The following PTPRT variants were observed in gnomAD, a reference collection of about 807,000 sequenced individuals.
The protein encoded by PTPRT is protein tyrosine phosphatase receptor type T.
A neutral mutation model predicts 176.8 loss-of-function variants in PTPRT; 56 were observed. That is an observed-to-expected ratio of 0.32 (90% CI 0.26 to 0.40). The LOEUF (loss-of-function observed/expected upper bound fraction) is 0.40. Among genes scored for constraint, PTPRT ranks in the 10% least tolerant of loss-of-function variants. PTPRT has a pLI of 1.00. For synonymous variants in PTPRT, 783 were observed against 739.0 expected, an observed-to-expected ratio of 1.06 and a Z score of -0.96; for missense variants, 1,540 against 1,908.2, an observed-to-expected ratio of 0.81 and a Z score of 3.60.
rs1268175832 is a variant in PTPRT at position 42,174,097 on chromosome 20, G to A, written c.2492-12555C>T. On this transcript the variant is annotated intron_variant, in intron 16 of 30. Coordinates refer to ENST00000373187, the MANE Select transcript of PTPRT (RefSeq NM_007050.6). ...ATTAAAGTAGATGAAACTGTAAGGTGGCTTAGTGTTAGAAAGATTAATATT... is the reference window on the plus strand; with the variant it reads ...ATTAAAGTAGATGAAACTGTAAGGTAGCTTAGTGTTAGAAAGATTAATATT... Among the ~76,000 whole-genome samples, 4 of 152,234 alleles carry A rather than the reference G, an allele frequency of 2.6e-5. No individual in the cohort carries two copies. The East Asian group carries it at 7.7e-4, about 29-fold the overall frequency.
intron 1 of PTPRT, among the ~76,000 whole-genome samples, chr20:42,936,065 A>T (rs1040326942): frequency 1.3e-5 from 2 of 152,254 alleles, no homozygotes; most frequent in Non-Finnish European, 2.9e-5. Flanking sequence ...GAACAAAGGC[A>T]GAAGTGAACA....
intron 7 of PTPRT, among the ~76,000 whole-genome samples, chr20:42,578,620 A>T (rs1282019491): frequency 2.6e-5 from 4 of 152,054 alleles, no homozygotes; most frequent in Non-Finnish European, 5.9e-5. Flanking sequence ...TCTCACTTCC[A>T]CTACCAATCC....
chr20:42,553,210 T>C (rs555391089), intron 7 of PTPRT, among the ~76,000 whole-genome samples: 1 of 152,260 alleles, frequency 6.6e-6, no homozygotes, highest in East Asian at 1.9e-4. Context: ...AAACAAAATC[T>C]CTTCCCAAAA....
chr20:42,885,523 T>C (rs984654590), intron 2 of PTPRT, among the ~76,000 whole-genome samples: 13 of 152,018 alleles, frequency 8.6e-5, no homozygotes, highest in Admixed American at 3.9e-4. Context: ...CACGCCACTG[T>C]CATCAGGCTC....
chr20:42,831,985 TA>T (rs2078097414), intron 2 of PTPRT, among the ~76,000 whole-genome samples: 1 of 152,186 alleles, frequency 6.6e-6, no homozygotes. Context: ...CTCAAAGAGC[TA>T]AAAAGAGAAC....
intron 11 of PTPRT, among the ~76,000 whole-genome samples, chr20:42,331,987 A>G (rs997592361): frequency 2.0e-5 from 3 of 151,956 alleles, no homozygotes; most frequent in East Asian, 1.9e-4. Flanking sequence ...GTGGTACCCA[A>G]CTGTACTTGT....
chr20:43,084,966 T>C (rs993810983), intron 1 of PTPRT, among the ~76,000 whole-genome samples: 2 of 152,240 alleles, frequency 1.3e-5, no homozygotes, highest in African/African-American at 4.8e-5. Flanking sequence ...CATGAGGTGT[T>C]TTACAGCTAG....
chr20:42,411,846 A>C (rs978533948), intron 9 of PTPRT, among the ~76,000 whole-genome samples: 1 of 49,250 alleles, frequency 2.0e-5, no homozygotes, highest in African/African-American at 6.2e-5. Context: ...CCAAATATCT[A>C]CAAAAAAAAA....
At chr20:42,302,338 C>T (rs1338433936) in intron 12 of PTPRT, among the ~76,000 whole-genome samples, 1 of 152,192 alleles carries the variant, frequency 6.6e-6, no homozygotes, top group Non-Finnish European at 1.5e-5. Context: ...CTGCCTCTCT[C>T]TGGGCTTCAT....
chr20:42,377,623 C>A (rs967032439), intron 9 of PTPRT, among the ~76,000 whole-genome samples: 2 of 152,196 alleles, frequency 1.3e-5, no homozygotes, highest in African/African-American at 2.4e-5. Flanking sequence ...CTCTTTGTCT[C>A]AATTTCAAAG....
chr20:42,565,002 G>T (rs531788011), intron 7 of PTPRT, among the ~76,000 whole-genome samples: 77 of 152,094 alleles, frequency 5.1e-4, no homozygotes, highest in Non-Finnish European at 1.0e-3. Context: ...TTTCCATTCT[G>T]ATGGCTTTGC....
chr20:42,561,839 G>C (rs1601273055), intron 7 of PTPRT, among the ~76,000 whole-genome samples: 1 of 152,218 alleles, frequency 6.6e-6, no homozygotes, highest in African/African-American at 2.4e-5. Flanking sequence ...ATTTGTGCTA[G>C]ATTTCTGTTG....
At chr20:43,165,360 A>G (rs949039263) in intron 1 of PTPRT, among the ~76,000 whole-genome samples, 26 of 152,034 alleles carry the variant, frequency 1.7e-4, no homozygotes, top group African/African-American at 6.3e-4. Flanking sequence ...ATGGGGTTTC[A>G]CCATGTTGGT....
intron 6 of PTPRT, among the ~76,000 whole-genome samples, chr20:42,728,026 A>T (rs745868063): frequency 6.6e-6 from 1 of 152,122 alleles, no homozygotes; most frequent in Non-Finnish European, 1.5e-5. Flanking sequence ...ACCCACAATT[A>T]TCTCTCTAGA....
chr20:43,057,222 A>G (rs1196276277), intron 1 of PTPRT, among the ~76,000 whole-genome samples: 1 of 136,738 alleles, frequency 7.3e-6, no homozygotes, highest in African/African-American at 2.7e-5. Flanking sequence ...TTGAATCTAC[A>G]CACATGATGA....
At chr20:42,129,380 T>TAA (rs1157817023) in intron 18 of PTPRT, among the ~76,000 whole-genome samples, 2 of 152,176 alleles carry the variant, frequency 1.3e-5, no homozygotes, top group Non-Finnish European at 2.9e-5. Context: ...CATCAATAAC[T>TAA]AAAAATTGTG....
chr20:43,133,425 C>T (rs928140287), intron 1 of PTPRT, among the ~76,000 whole-genome samples: 10 of 152,152 alleles, frequency 6.6e-5, no homozygotes, highest in Non-Finnish European at 1.3e-4. Flanking sequence ...CTGAAGTAAT[C>T]TGGACAATGT....
chr20:42,319,069 G>T (rs1259731345), intron 11 of PTPRT, among the ~76,000 whole-genome samples: 3 of 152,154 alleles, frequency 2.0e-5, no homozygotes, highest in African/African-American at 7.2e-5. Context: ...CTCTGTGAGG[G>T]TCAGCCTGTA....
At chr20:42,535,924 T>C (rs6072775) in intron 7 of PTPRT, among the ~76,000 whole-genome samples, 15,632 of 152,196 alleles carry the variant, frequency 0.1, 898 homozygotes, top group East Asian at 0.16. Flanking sequence ...TTTCTCATCC[T>C]GAGTTCAGTG....
Sources: allele counts gnomAD v4.1 joint callset (sites outside exome capture counted in the v4.1 genomes callset), GRCh38; gene constraint gnomAD v4.1.1; transcripts MANE v1.5; gene names NCBI Gene and HGNC (gene_info 2026-07-23, HGNC 2026-07-21).